Variants in CNTN5 observed in about 807,000 individuals in gnomAD.
CNTN5 encodes the protein contactin 5.
In CNTN5, 77 loss-of-function variants were observed where a neutral mutation model predicts 129.1. The ratio of observed to expected loss-of-function variants is 0.60; its 90% confidence interval spans 0.50 to 0.72. The LOEUF (loss-of-function observed/expected upper bound fraction) is 0.72, where lower values mean the gene tolerates loss of function less well. Among genes scored for constraint, CNTN5 ranks in the 30% least tolerant of loss-of-function variants. CNTN5 has a pLI of 0.00. For missense variants in CNTN5, 1,478 were observed against 1,328.8 expected, an observed-to-expected ratio of 1.11 and a Z score of -1.75; for synonymous variants, 509 against 465.6, an observed-to-expected ratio of 1.09 and a Z score of -1.20.
At chr11:100,171,181 T>G (rs1947815910) in intron 13 of CNTN5, among the ~76,000 whole-genome samples, 1 of 152,002 alleles carries the variant, frequency 6.6e-6, no homozygotes, top group Non-Finnish European at 1.5e-5. Context: ...CTTTTAATAT[T>G]AAAAAGCTTA....
At chr11:100,237,820 A>G (rs905405075) in intron 16 of CNTN5, among the ~76,000 whole-genome samples, 13 of 152,348 alleles carry the variant, frequency 8.5e-5, no homozygotes, top group Admixed American at 7.2e-4. Flanking sequence ...AGAACATTAC[A>G]TGTAAAGATT....
At chr11:100,014,203 A>G (rs1940690647) in intron 9 of CNTN5, among the ~76,000 whole-genome samples, 2 of 152,134 alleles carry the variant, frequency 1.3e-5, no homozygotes. Flanking sequence ...GTGATGATCT[A>G]GTGTGAATTA....
intron 7 of CNTN5, among the ~76,000 whole-genome samples, chr11:99,935,734 A>G (rs1172501285): frequency 1.3e-5 from 2 of 152,150 alleles, no homozygotes; most frequent in East Asian, 3.9e-4. Context: ...GTGTAACAAT[A>G]TAAGTTAGCC....
chr11:99,729,111 A>C (rs1300702545), intron 3 of CNTN5, among the ~76,000 whole-genome samples: 1 of 152,172 alleles, frequency 6.6e-6, no homozygotes, highest in Non-Finnish European at 1.5e-5. Flanking sequence ...CAGTAGAAAG[A>C]TAGGCATCTT....
chr11:99,347,756 G>A (rs886229807), intron 2 of CNTN5, among the ~76,000 whole-genome samples: 12 of 152,138 alleles, frequency 7.9e-5, no homozygotes, highest in Admixed American at 6.5e-5. Flanking sequence ...TCGTTCTGAG[G>A]TGGGTAGGAG....
chr11:100,064,611 G>T (rs539716031), intron 10 of CNTN5, among the ~76,000 whole-genome samples: 1 of 152,180 alleles, frequency 6.6e-6, no homozygotes, highest in Non-Finnish European at 1.5e-5. Flanking sequence ...TATTTGGTAT[G>T]CCTTTCTTGA....
At chr11:100,152,066 G>A (rs1947080059) in intron 13 of CNTN5, among the ~76,000 whole-genome samples, 1 of 152,112 alleles carries the variant, frequency 6.6e-6, no homozygotes, top group Admixed American at 6.6e-5. Flanking sequence ...GAGGAAATAA[G>A]CAATCTTCAG....
At chr11:100,303,454 C>T (rs1377434406) in intron 20 of CNTN5, among the ~76,000 whole-genome samples, 1 of 151,510 alleles carries the variant, frequency 6.6e-6, no homozygotes, top group East Asian at 1.9e-4. Context: ...GTTCTTCTCA[C>T]CATAACTTCG....
chr11:99,046,514 C>T lies in CNTN5; in HGVS notation c.-210+25244C>T, dbSNP rs372436418. Among the ~76,000 whole-genome samples the T allele has an allele frequency of 1.4e-4, 21 of 152,214 alleles. No individual in the cohort carries two copies. The East Asian group carries it at 3.5e-3, about 25-fold the overall frequency. On this transcript the variant is annotated intron_variant, in intron 1 of 24. Transcript: ENST00000524871. ...TATTTATAGATTTTGTTACCTGTTT[C>T]ATAAAACTCCTTTATGATACATTGT...
intron 10 of CNTN5, among the ~76,000 whole-genome samples, chr11:100,065,498 T>C (rs1943662156): frequency 6.6e-6 from 1 of 152,016 alleles, no homozygotes; most frequent in Admixed American, 6.6e-5. Context: ...TACTACGAGG[T>C]GCTTTACATA....
chr11:99,029,959 G>C (rs1052489822), intron 1 of CNTN5, among the ~76,000 whole-genome samples: 4 of 152,220 alleles, frequency 2.6e-5, no homozygotes, highest in Non-Finnish European at 5.9e-5. Flanking sequence ...TTTTGACAAA[G>C]AGAAGAATGG....
intron 3 of CNTN5, among the ~76,000 whole-genome samples, chr11:99,796,554 G>T (rs186590076): frequency 6.6e-6 from 1 of 151,482 alleles, no homozygotes; most frequent in African/African-American, 2.4e-5. Flanking sequence ...GCTATGATAC[G>T]GGCCCCCAGA....
chr11:99,425,592 G>A (rs985566751), intron 2 of CNTN5, among the ~76,000 whole-genome samples: 1 of 152,292 alleles, frequency 6.6e-6, no homozygotes, highest in East Asian at 1.9e-4. Context: ...CAGTGCACAC[G>A]CCCAGCCACA....
intron 2 of CNTN5, among the ~76,000 whole-genome samples, chr11:99,440,567 C>G (rs1943786223): frequency 6.6e-6 from 1 of 152,102 alleles, no homozygotes; most frequent in African/African-American, 2.4e-5. Flanking sequence ...ACTAGTTGGG[C>G]AAGATTGTTA....
chr11:99,935,219 G>A (rs978243168), intron 7 of CNTN5, among the ~76,000 whole-genome samples: 1 of 151,404 alleles, frequency 6.6e-6, no homozygotes, highest in Non-Finnish European at 1.5e-5. Context: ...GTCAACCAGG[G>A]TTCCAAAAGA....
chr11:99,454,825 C>T (rs1944438006), intron 2 of CNTN5, among the ~76,000 whole-genome samples: 1 of 151,762 alleles, frequency 6.6e-6, no homozygotes. Context: ...ATGAAGGATA[C>T]TGTGGAACAA....
chr11:99,640,480 C>G (rs1312254803), intron 3 of CNTN5, among the ~76,000 whole-genome samples: 1 of 152,182 alleles, frequency 6.6e-6, no homozygotes, highest in African/African-American at 2.4e-5. Flanking sequence ...AAGGGAAAGA[C>G]CAGCCCCCAT....
chr11:99,929,516 C>G (rs1307406154), intron 7 of CNTN5, among the ~76,000 whole-genome samples: 2 of 152,174 alleles, frequency 1.3e-5, no homozygotes, highest in African/African-American at 2.4e-5. Flanking sequence ...GTTGACAGTT[C>G]TGCAGGGCTG....
At chr11:100,236,779 T>C (rs1426571206) in intron 16 of CNTN5, among the ~76,000 whole-genome samples, 2 of 152,130 alleles carry the variant, frequency 1.3e-5, no homozygotes, top group Non-Finnish European at 2.9e-5. Context: ...CTCCTTTCCC[T>C]ATAGTTTCTC....
Sources: allele counts gnomAD v4.1 joint callset (sites outside exome capture counted in the v4.1 genomes callset), GRCh38; gene constraint gnomAD v4.1.1; transcripts MANE v1.5; gene names NCBI Gene and HGNC (gene_info 2026-07-23, HGNC 2026-07-21).